The following NT5DC1 variants were observed in gnomAD, a reference collection of about 807,000 sequenced individuals.
The protein encoded by NT5DC1 is 5'-nucleotidase domain-containing protein 1.
A neutral mutation model predicts 59.4 loss-of-function variants in NT5DC1; 42 were observed. That is an observed-to-expected ratio of 0.71 (90% CI 0.55 to 0.92). The LOEUF (loss-of-function observed/expected upper bound fraction) is 0.92. NT5DC1 is among the 40% of genes least tolerant of loss of function. The probability of loss-of-function intolerance (pLI) is 0.00; values close to 1 mark genes in which losing one functional copy is unlikely to be tolerated. For missense variants in NT5DC1, 501 were observed against 537.1 expected (o/e 0.93, Z 0.66); for synonymous variants, 172 against 188.1 (o/e 0.91, Z 0.70).
rs926334590 is a variant in NT5DC1 at position 116,136,468 on chromosome 6, G to T, written c.529+18523G>T. Among the ~76,000 whole-genome samples, 175 of 151,518 alleles carry T rather than the reference G, an allele frequency of 1.2e-3. 1 individual carries two copies. The highest frequency in any genetic ancestry group is 4.0e-3 in the African/African-American group (164 of 41,266). On this transcript the variant is annotated intron_variant, in intron 6 of 11. Coordinates refer to ENST00000319550, the MANE Select transcript of NT5DC1 (RefSeq NM_152729.3). ...AGCTATTTTTTTTAAGTTTTGTGGG[G>T]TTTTTTTTAAAAGAAGAAAATGAAG...
At chr6:116,214,293 T>C (rs568522298) in intron 6 of NT5DC1, among the ~76,000 whole-genome samples, 1 of 152,204 alleles carries the variant, frequency 6.6e-6, no homozygotes, top group East Asian at 1.9e-4. Context: ...CTCATATATA[T>C]CCTTCTTATA....
intron 6 of NT5DC1, among the ~76,000 whole-genome samples, chr6:116,144,777 A>G (rs901862669): frequency 1.3e-5 from 2 of 152,162 alleles, no homozygotes; most frequent in Non-Finnish European, 2.9e-5. Flanking sequence ...TGGTGAGCCA[A>G]TGGTATTTGT....
rs73772267 is a variant in NT5DC1 at position 116,133,948 on chromosome 6, T to C, written c.529+16003T>C. Among the ~76,000 whole-genome samples the C allele has an allele frequency of 2.3e-3, 347 of 152,334 alleles. 2 individuals are homozygous for C. Among genetic ancestry groups the C allele is most frequent in the African/African-American group, 8.2e-3 (341 of 41,582 alleles). On this transcript the variant is annotated intron_variant, in intron 6 of 11. Transcript: ENST00000319550. ...TGGTTTTTTTCCCCCAGTGATCTTA[T>C]TAGTGCTGAAATTCTTACTATCTTT...
At chr6:116,153,225 A>C (rs1484522234) in intron 6 of NT5DC1, among the ~76,000 whole-genome samples, 1 of 152,090 alleles carries the variant, frequency 6.6e-6, no homozygotes, top group East Asian at 1.9e-4. Context: ...TAAAACTTAT[A>C]ACCTTGTCTG....
At chr6:116,150,852 A>G (rs764283497) in intron 6 of NT5DC1, among the ~76,000 whole-genome samples, 1 of 152,192 alleles carries the variant, frequency 6.6e-6, no homozygotes, top group Non-Finnish European at 1.5e-5. Flanking sequence ...TGAGAATGTC[A>G]CATCAAATTT....
intron 6 of NT5DC1, among the ~76,000 whole-genome samples, chr6:116,147,368 G>A (rs1203461909): frequency 1.3e-5 from 2 of 151,956 alleles, no homozygotes; most frequent in Admixed American, 1.3e-4. Context: ...CTTGAACCCG[G>A]GAGGCAGAGG....
At position 116,121,905 on chromosome 6, in the gene NT5DC1, G is replaced by A. The variant is rs779802963; in HGVS notation, c.529+3960G>A. 5.0e-6 allele frequency: 8 copies of A among 1,613,684 alleles called. No individual in the cohort carries two copies. In the African/African-American group the frequency reaches 6.7e-5, roughly 13 times the overall value. On this transcript the variant is annotated intron_variant, in intron 6 of 11. Transcript: ENST00000319550. Reference sequence around the variant, plus strand: ...GGTCCAGAAGGACCTGGGTGCCCTCGAGGTCCAGCAGGGCCTGGTGGACCA... The same window carrying A: ...GGTCCAGAAGGACCTGGGTGCCCTCAAGGTCCAGCAGGGCCTGGTGGACCA...
intron 9 of NT5DC1, chr6:116,237,497 G>T (rs1384347029): frequency 4.4e-6 from 2 of 457,634 alleles, no homozygotes; most frequent in East Asian, 6.9e-5. Context: ...GAGAGATCGT[G>T]GGGTAACAGA....
At chr6:116,135,839 A>ATATATG (rs1323086310) in intron 6 of NT5DC1, among the ~76,000 whole-genome samples, 3 of 49,738 alleles carry the variant, frequency 6.0e-5, no homozygotes, top group Non-Finnish European at 1.0e-4. Context: ...TTTCAGATAT[A>ATATATG]TATATATATA....
intron 6 of NT5DC1, chr6:116,120,745 T>C (rs1472069744): frequency 6.3e-7 from 1 of 1,598,828 alleles, no homozygotes; most frequent in Non-Finnish European, 8.5e-7. Flanking sequence ...CTGGAATGCC[T>C]GGTGGCCCAA....
intron 6 of NT5DC1, among the ~76,000 whole-genome samples, chr6:116,165,647 A>G (rs1735892250): frequency 1.3e-5 from 2 of 152,258 alleles, no homozygotes; most frequent in East Asian, 1.9e-4. Flanking sequence ...TCTGTTACCA[A>G]CCACCAGTAC....
intron 6 of NT5DC1, among the ~76,000 whole-genome samples, chr6:116,189,180 T>C (rs1781067159): frequency 6.6e-6 from 1 of 151,806 alleles, no homozygotes; most frequent in Non-Finnish European, 1.5e-5. Flanking sequence ...AGTTGACCAC[T>C]CTTGAGAAAT....
intron 8 of NT5DC1, among the ~76,000 whole-genome samples, chr6:116,225,135 G>A (rs1213929229): frequency 6.4e-4 from 98 of 152,096 alleles, no homozygotes. Context: ...ACAGACTTGG[G>A]GAAAAATACA....
chr6:116,108,558 G>A, intron 3 of NT5DC1, 123 bp downstream of exon 3: 3 of 658,982 alleles, frequency 4.6e-6, no homozygotes, highest in Middle Eastern at 3.5e-4. Flanking sequence ...ATGACAGATT[G>A]TCTGTCTACA....
intron 8 of NT5DC1, among the ~76,000 whole-genome samples, chr6:116,229,086 C>T (rs1781960357): frequency 6.6e-6 from 1 of 152,176 alleles, no homozygotes; most frequent in Non-Finnish European, 1.5e-5. Context: ...CATTAAATCC[C>T]CATCCCATTT....
At chr6:116,126,662 C>G (rs769072906) in intron 6 of NT5DC1, among the ~76,000 whole-genome samples, 3 of 152,016 alleles carry the variant, frequency 2.0e-5, no homozygotes, top group Non-Finnish European at 1.5e-5. Context: ...GATTTAGATC[C>G]CTTATTCACA....
At chr6:116,135,845 A>G (rs9717347) in intron 6 of NT5DC1, among the ~76,000 whole-genome samples, 13 of 99,164 alleles carry the variant, frequency 1.3e-4, no homozygotes, top group Non-Finnish European at 2.1e-4. Context: ...ATATATATAT[A>G]TATATATATA....
intron 6 of NT5DC1, among the ~76,000 whole-genome samples, chr6:116,193,595 C>A (rs904240027): frequency 7.2e-5 from 11 of 152,028 alleles, no homozygotes; most frequent in Admixed American, 7.2e-4. Flanking sequence ...CACTAATATA[C>A]ACAGAATATG....
chr6:116,120,467 G>A (rs1409089722), intron 6 of NT5DC1: 2 of 1,614,252 alleles, frequency 1.2e-6, no homozygotes, highest in South Asian at 2.2e-5. Flanking sequence ...AGCAGACACA[G>A]GCATTCCTGT....
Sources: gnomAD v4.1 joint callset for allele counts (sites outside exome capture counted in the v4.1 genomes callset) on GRCh38, gnomAD v4.1.1 for gene constraint, MANE v1.5 for transcripts, NCBI Gene and HGNC (gene_info 2026-07-23, HGNC 2026-07-21) for gene names.